The following ZCWPW2 variants were observed in gnomAD, a reference collection of about 807,000 sequenced individuals.
The protein encoded by ZCWPW2 is zinc finger CW-type and PWWP domain containing 2.
In ZCWPW2, 45 loss-of-function variants were observed where a neutral mutation model predicts 46.6. The observed-to-expected ratio is 0.96, with a 90% CI of 0.76 to 1.24. The LOEUF (loss-of-function observed/expected upper bound fraction) is 1.24, where lower values mean the gene tolerates loss of function less well. ZCWPW2 is among the 50% of genes most tolerant of loss of function. ZCWPW2 has a pLI of 0.00. For missense variants in ZCWPW2, 429 were observed against 403.9 expected, an observed-to-expected ratio of 1.06 and a Z score of -0.53; for synonymous variants, 152 against 137.1, an observed-to-expected ratio of 1.11 and a Z score of -0.76.
At chr3:28,446,451 T>C (rs920410182) in intron 4 of ZCWPW2, among the ~76,000 whole-genome samples, 1 of 151,904 alleles carries the variant, frequency 6.6e-6, no homozygotes, top group Non-Finnish European at 1.5e-5. Flanking sequence ...GGAAAACACT[T>C]AGAGATGAAT....
chr3:28,357,754 C>G (rs1401973181), intron 1 of ZCWPW2, among the ~76,000 whole-genome samples: 1 of 149,202 alleles, frequency 6.7e-6, no homozygotes, highest in East Asian at 2.0e-4. Flanking sequence ...TCCATAATTG[C>G]ATAGGCCAAT....
chr3:28,503,976 G>A lies in ZCWPW2; in HGVS notation c.658-10088G>A, dbSNP rs1009868230. Among the ~76,000 whole-genome samples the A allele has an allele frequency of 3.9e-5, 6 of 152,022 alleles. No homozygotes were observed. The South Asian group carries it at 6.2e-4, about 16-fold the overall frequency. On this transcript the variant is annotated intron_variant, in intron 6 of 9. Coordinates refer to ENST00000383768, the MANE Select transcript of ZCWPW2 (RefSeq NM_001040432.4). The stretch of plus-strand genomic sequence containing the variant: ...TTTGGAAGGCTGAGGCAGGTGGATC[G>A]CTTGAGCCCCGGAGTTCAAGACAAG...
chr3:28,483,137 A>G (rs911054068), intron 5 of ZCWPW2, among the ~76,000 whole-genome samples: 11 of 152,220 alleles, frequency 7.2e-5, no homozygotes, highest in African/African-American at 1.4e-4. Flanking sequence ...ATTTCGCCCT[A>G]TGATTCATTG....
intron 1 of ZCWPW2, among the ~76,000 whole-genome samples, chr3:28,383,342 A>G (rs1268677688): frequency 1.4e-5 from 2 of 147,394 alleles, no homozygotes; most frequent in African/African-American, 4.9e-5. Context: ...CTTAAATATG[A>G]CACAAAGCAA....
chr3:28,433,401 A>G (rs890573005), intron 3 of ZCWPW2, among the ~76,000 whole-genome samples: 1 of 152,132 alleles, frequency 6.6e-6, no homozygotes, highest in Middle Eastern at 3.2e-3. Flanking sequence ...TTTTCAAACC[A>G]TGTTTTCACC....
chr3:28,483,314 C>T (rs1168081751), intron 5 of ZCWPW2, among the ~76,000 whole-genome samples: 1 of 152,066 alleles, frequency 6.6e-6, no homozygotes, highest in Non-Finnish European at 1.5e-5. Context: ...GGGTCTATTT[C>T]TGGGTTCTTT....
At chr3:28,438,411 GTGAC>G (rs1359191951) in intron 4 of ZCWPW2, among the ~76,000 whole-genome samples, 2 of 152,338 alleles carry the variant, frequency 1.3e-5, no homozygotes, top group South Asian at 2.1e-4. Flanking sequence ...AAATTAGAAA[GTGAC>G]TGCGCAGGCA....
intron 4 of ZCWPW2, among the ~76,000 whole-genome samples, chr3:28,454,538 G>C (rs1698353267): frequency 6.6e-6 from 1 of 152,092 alleles, no homozygotes; most frequent in African/African-American, 2.4e-5. Context: ...TGTTACATAG[G>C]TAAGTGTGTG....
chr3:28,459,165 T>C lies in ZCWPW2; in HGVS notation c.493-19649T>C, dbSNP rs554903320. On this transcript the variant is annotated intron_variant, in intron 4 of 9. Coordinates refer to ENST00000383768, the MANE Select transcript of ZCWPW2 (RefSeq NM_001040432.4). The stretch of plus-strand genomic sequence containing the variant: ...GCGGGTGGATCATGAGGTCAGGAGA[T>C]TGAGACCATCCTGGCTAACACGGTG... Among the ~76,000 whole-genome samples, 18 of 152,138 alleles carry C rather than the reference T, an allele frequency of 1.2e-4. No homozygotes were observed. The South Asian group carries it at 3.7e-3, about 32-fold the overall frequency.
In ZCWPW2 at chr3:28,524,577, C is replaced by G; in HGVS notation, c.960C>G (p.His320Gln). Residue 320 changes from histidine to glutamine, a missense_variant, in exon 10 of 10, where the codon CAC becomes CAG. Physicochemically the swap from His to Gln is conservative, Grantham distance 24 (BLOSUM62 0). Transcript: ENST00000383768. ...CTGCAGGCAGTCTGTTTGAAAACCACTATGAAGAGGACTATCTTGTAATTG... is the reference window on the plus strand; with the variant it reads ...CTGCAGGCAGTCTGTTTGAAAACCAGTATGAAGAGGACTATCTTGTAATTG... ...EAPAGSLFEN[H>Q]YEEDYLVIDG... 6.2e-7 allele frequency: 1 copy of G among 1,608,878 alleles called. No homozygotes were observed. Among genetic ancestry groups the G allele is most frequent in the Admixed American group, 1.7e-5 (1 of 59,144 alleles).
intron 1 of ZCWPW2, among the ~76,000 whole-genome samples, chr3:28,361,493 A>G (rs1307816627): frequency 1.3e-5 from 2 of 151,286 alleles, no homozygotes; most frequent in Non-Finnish European, 3.0e-5. Flanking sequence ...TTTCTTGGAT[A>G]TGACACCAAA....
chr3:28,379,057 G>C (rs1189880931), intron 1 of ZCWPW2, among the ~76,000 whole-genome samples: 2 of 152,020 alleles, frequency 1.3e-5, no homozygotes, highest in Non-Finnish European at 2.9e-5. Context: ...TCTATATTTG[G>C]CCCATAATAG....
chr3:28,495,121 G>C (rs918723445), intron 6 of ZCWPW2, among the ~76,000 whole-genome samples: 74 of 151,690 alleles, frequency 4.9e-4, no homozygotes, highest in Non-Finnish European at 9.7e-4. Flanking sequence ...GCATCGCCAA[G>C]TCAATCCTAA....
chr3:28,441,222 AC>A (rs1309573833), intron 4 of ZCWPW2, among the ~76,000 whole-genome samples: 1 of 152,210 alleles, frequency 6.6e-6, no homozygotes, highest in African/African-American at 2.4e-5. Context: ...CACATGGGAT[AC>A]AAATATCTTC....
Position 28,349,002 on chromosome 3 carries a change from C to A in ZCWPW2, c.-335C>A. On this transcript the variant is annotated 5_prime_UTR_variant, in exon 1 of 10. Transcript: ENST00000383768. Reference sequence around the variant, plus strand: ...CAGCCGGAAAAGGGGCTGCCGCTGTCCGCGGGCTCGGCGCCAGGGACGCGC... The same window carrying A: ...CAGCCGGAAAAGGGGCTGCCGCTGTACGCGGGCTCGGCGCCAGGGACGCGC... 1 of 985,956 alleles carries A rather than the reference C, an allele frequency of 1.0e-6. No homozygotes were observed. Among genetic ancestry groups the A allele is most frequent in the Non-Finnish European group, 1.2e-6 (1 of 830,368 alleles). 61.1% of individuals were successfully genotyped at this position (985,956 alleles called of 1,614,324 possible). A position where few individuals can be genotyped will look rare whatever the true frequency, so the allele number is the denominator to read the frequency against.
intron 5 of ZCWPW2, among the ~76,000 whole-genome samples, chr3:28,485,505 T>C (rs1200427614): frequency 6.6e-6 from 1 of 152,222 alleles, no homozygotes; most frequent in East Asian, 1.9e-4. Flanking sequence ...CTAGCTATAA[T>C]AGTAGATTTA....
At chr3:28,360,911 A>C (rs1003920180) in intron 1 of ZCWPW2, among the ~76,000 whole-genome samples, 1 of 152,140 alleles carries the variant, frequency 6.6e-6, no homozygotes, top group African/African-American at 2.4e-5. Context: ...CATATAAACC[A>C]ATAAAATTAG....
At chr3:28,397,950 G>C (rs1206800507) in intron 2 of ZCWPW2, 1 of 152,060 alleles carries the variant, frequency 6.6e-6, no homozygotes, top group African/African-American at 2.4e-5. Context: ...ATTATGTTTT[G>C]TATGCACAGT....
chr3:28,380,631 A>C (rs1333036822), intron 1 of ZCWPW2, among the ~76,000 whole-genome samples: 1 of 152,030 alleles, frequency 6.6e-6, no homozygotes, highest in Non-Finnish European at 1.5e-5. Context: ...TGTCCAACAC[A>C]ATCAACCATT....
Sources: allele counts gnomAD v4.1 joint callset (sites outside exome capture counted in the v4.1 genomes callset), GRCh38; gene constraint gnomAD v4.1.1; transcripts MANE v1.5; gene names NCBI Gene and HGNC (gene_info 2026-07-23, HGNC 2026-07-21).